The following HADHB variants were observed in gnomAD, a reference collection of about 807,000 sequenced individuals.
The protein encoded by HADHB is hydroxyacyl-CoA dehydrogenase trifunctional multienzyme complex subunit beta, also known as trifunctional enzyme subunit beta, mitochondrial.
In HADHB, 50 loss-of-function variants were observed where a neutral mutation model predicts 61.9. The ratio of observed to expected loss-of-function variants is 0.81; its 90% CI spans 0.64 to 1.02. HADHB has a LOEUF of 1.02. Among genes scored for constraint, HADHB ranks in the 50% least tolerant of loss-of-function variants. HADHB has a pLI of 0.00. For synonymous variants in HADHB, 191 were observed against 201.6 expected (o/e 0.95, Z 0.45); for missense variants, 504 against 586.5 (o/e 0.86, Z 1.45).
chr2:26,277,202 C>T (rs773469674), intron 7 of HADHB, 42 bp downstream of exon 7: 2 of 907,254 alleles, frequency 2.2e-6, no homozygotes, highest in East Asian at 2.5e-5. Flanking sequence ...TAATTATTCT[C>T]CTTTGTCTTT....
chr2:26,263,432 T>A lies in HADHB; in HGVS notation c.162T>A (p.Val54=), dbSNP rs1273731503. 1.9e-6 allele frequency: 3 copies of A among 1,613,332 alleles called. No individual in the cohort carries two copies. In the South Asian group the frequency reaches 3.3e-5, roughly 18 times the overall value. Residue 54 remains valine, a synonymous_variant, in exon 4 of 16, where the codon GTT becomes GTA. Transcript: ENST00000317799. Reference sequence around the variant, plus strand: ...TAGCCAAACCCAATATAAGGAATGTTGTGGTGGTGGATGGTGTTCGCACTC... The same window carrying A: ...TAGCCAAACCCAATATAAGGAATGTAGTGGTGGTGGATGGTGTTCGCACTC... ...KTLAKPNIRN[V]VVVDGVRTPF...
intron 3 of HADHB, chr2:26,261,163 C>A: frequency 1.6e-6 from 1 of 626,864 alleles, no homozygotes; most frequent in Non-Finnish European, 2.9e-6. Context: ...AGGGCAACTC[C>A]CTTTAGAGGG....
chr2:26,260,981 A>G, intron 3 of HADHB: 2 of 1,486,572 alleles, frequency 1.3e-6, no homozygotes, highest in Non-Finnish European at 1.8e-6. Context: ...CTTTGCCTAG[A>G]GAGAGAATCT....
At chr2:26,270,969 G>A (rs1473436997) in intron 5 of HADHB, among the ~76,000 whole-genome samples, 1 of 147,722 alleles carries the variant, frequency 6.8e-6, no homozygotes, top group Non-Finnish European at 1.5e-5. Flanking sequence ...AGCTCTGCCT[G>A]CCGGGTTCAC....
chr2:26,254,456 C>A lies in HADHB; in HGVS notation c.91C>A (p.Gln31Lys). 1 of 1,599,562 alleles carries A rather than the reference C, an allele frequency of 6.3e-7. No individual in the cohort carries two copies. The highest frequency in any genetic ancestry group is 8.6e-7 in the Non-Finnish European group (1 of 1,166,738). ...CATAAGACCTCTGAGCTGTTCCTCC[C>A]AGCTACGAGCTGCCCCAGGTACAGT... ...FSIRPLSCSS[Q>K]LRAAPAVQTK... Residue 31 changes from glutamine (Q) to lysine (K), a missense_variant, in exon 3 of 16, where the codon CAG becomes AAG. Transcript: ENST00000317799.
At chr2:26,288,916 C>T (rs1201584344) in intron 15 of HADHB, among the ~76,000 whole-genome samples, 1 of 152,088 alleles carries the variant, frequency 6.6e-6, no homozygotes, top group Non-Finnish European at 1.5e-5. Flanking sequence ...AAACTAAGGA[C>T]ATAGCTAGTA....
chr2:26,271,897 C>A (rs1672362335), intron 5 of HADHB, among the ~76,000 whole-genome samples: 2 of 151,880 alleles, frequency 1.3e-5, no homozygotes, highest in Admixed American at 6.6e-5. Context: ...AAGACTTTGT[C>A]TCAAAAAAAA....
intron 4 of HADHB, among the ~76,000 whole-genome samples, chr2:26,269,288 G>A (rs1463601903): frequency 6.6e-6 from 1 of 152,100 alleles, no homozygotes; most frequent in Admixed American, 6.5e-5. Flanking sequence ...TCAAATTCAT[G>A]GCCTTAAGCA....
At chr2:26,277,003 G>A (rs1165953619) in intron 6 of HADHB, 70 bp from the exon 7 acceptor site, 1 of 809,152 alleles carries the variant, frequency 1.2e-6, no homozygotes, top group African/African-American at 1.7e-5. Flanking sequence ...ATGAAGATTA[G>A]TGCTCAAAGC....
Position 26,282,888 on chromosome 2 carries a change from C to A in HADHB, c.977C>A (p.Ala326Asp). The A allele has an allele frequency of 6.2e-7, 1 of 1,613,098 alleles. No homozygotes were observed. Among genetic ancestry groups the A allele is most frequent in the Non-Finnish European group, 8.5e-7 (1 of 1,179,176 alleles). Residue 326 changes from alanine (A) to aspartate (D), a missense_variant, in exon 11 of 16, where the codon GCT (alanine) becomes GAT (aspartate). Coordinates refer to ENST00000317799, the MANE Select transcript of HADHB (RefSeq NM_000183.3). ...SAMLIMAEEK[A>D]LAMGYKPKAY... ...ATGTTAATCATGGCGGAGGAAAAGG[C>A]TCTGGCCATGGGTTATAAGCCGAAG...
chr2:26,260,184 C>CCATT (rs1345815651), intron 3 of HADHB, among the ~76,000 whole-genome samples: 2 of 150,806 alleles, frequency 1.3e-5, no homozygotes, highest in African/African-American at 2.4e-5. Context: ...TGTGTTCAAG[C>CCATT]CATTCTCCTG....
intron 12 of HADHB, 74 bp downstream of exon 12, chr2:26,283,125 A>C: frequency 3.2e-6 from 3 of 930,898 alleles, no homozygotes; most frequent in Non-Finnish European, 5.4e-6. Flanking sequence ...ACTGGTTAAT[A>C]AATGATTAAC....
rs540696704 is a variant in HADHB at position 26,271,056 on chromosome 2, CTT to C, written c.254+1070_254+1071del. Among the ~76,000 whole-genome samples, 910 of 140,228 alleles carry C rather than the reference CTT, an allele frequency of 6.5e-3. 8 individuals carry two copies. Among genetic ancestry groups the C allele is most frequent in the African/African-American group, 0.022 (849 of 38,664 alleles). 92.0% of individuals were successfully genotyped at this position (140,228 alleles called of 152,430 possible). A position where few individuals can be genotyped will look rare whatever the true frequency, so the allele number is the denominator to read the frequency against. The stretch of plus-strand genomic sequence containing the variant: ...ACCATGCCCGGCTAATTTTTTTTTT[CTT>C]TTTTTTTTTTGTATTTTTAGTAGAG... On this transcript the variant is annotated intron_variant, in intron 5 of 15. Transcript: ENST00000317799.
intron 5 of HADHB, among the ~76,000 whole-genome samples, chr2:26,273,087 C>CA (rs559000048): frequency 1.2e-3 from 164 of 131,872 alleles, no homozygotes; most frequent in African/African-American, 2.2e-3. Context: ...ATTCTTATCT[C>CA]AAAAAAAAAA....
chr2:26,285,521 AAAG>A lies in HADHB; in HGVS notation c.1343_1345del (p.Glu448del), dbSNP rs1228883943. 12 of 1,614,068 alleles carry A rather than the reference AAAG, an allele frequency of 7.4e-6. No individual in the cohort carries two copies. Among genetic ancestry groups the A allele is most frequent in the Non-Finnish European group, 1.0e-5 (12 of 1,179,984 alleles). ...CATGGCTGCTGCCAACAGATTACGG[AAAG>A]AAGGAGGCCAGTATGGCTTAGTGGC... On this transcript the variant is annotated inframe_deletion, in exon 15 of 16. Coordinates refer to ENST00000317799, the MANE Select transcript of HADHB (RefSeq NM_000183.3).
rs1673221068 is a variant in HADHB, at chr2:26,290,391, C to A, written c.*438C>A. ...GGAAAAATAATTCAGAATCTAAACACCACTGAAAACTTATAAAAAATGTTT... is the reference window on the plus strand; with the variant it reads ...GGAAAAATAATTCAGAATCTAAACAACACTGAAAACTTATAAAAAATGTTT... On this transcript the variant is annotated 3_prime_UTR_variant, in exon 16 of 16. Coordinates refer to ENST00000317799, the MANE Select transcript of HADHB (RefSeq NM_000183.3). The A allele has an allele frequency of 5.3e-6, 1 of 188,566 alleles. No homozygotes were observed. 11.7% of individuals were successfully genotyped at this position (188,566 alleles called of 1,614,324 possible). A position where few individuals can be genotyped will look rare whatever the true frequency, so the allele number is the denominator to read the frequency against.
chr2:26,256,172 C>T (rs1460137536), intron 3 of HADHB, among the ~76,000 whole-genome samples: 1 of 152,148 alleles, frequency 6.6e-6, no homozygotes, highest in Non-Finnish European at 1.5e-5. Flanking sequence ...TGCATTAACG[C>T]TGATGATGAT....
chr2:26,264,819 C>T (rs916183062), intron 4 of HADHB, among the ~76,000 whole-genome samples: 13 of 151,856 alleles, frequency 8.6e-5, no homozygotes, highest in Admixed American at 5.3e-4. Flanking sequence ...TGGCAAAACC[C>T]TGTCTCTACT....
chr2:26,280,051 C>T lies in HADHB; in HGVS notation c.869C>T (p.Ala290Val). The change falls in exon 10 of 16, where the codon GCC (alanine) becomes GTC (valine). Residue 290 changes from alanine (A) to valine (V), a missense_variant. Ala to Val is a moderately conservative substitution (Grantham distance 64). Coordinates refer to ENST00000317799, the MANE Select transcript of HADHB (RefSeq NM_000183.3). ...GIRPSSLEQM[A>V]KLKPAFIKPY... ...CGTCCTTCCTCACTGGAGCAGATGGCCAAACTAAAACCTGCATTCATCAAG... is the reference window on the plus strand; with the variant it reads ...CGTCCTTCCTCACTGGAGCAGATGGTCAAACTAAAACCTGCATTCATCAAG... The T allele has an allele frequency of 6.2e-7, 1 of 1,610,080 alleles. No homozygotes were observed. The highest frequency in any genetic ancestry group is 8.5e-7 in the Non-Finnish European group (1 of 1,177,010).
Sources: gnomAD v4.1 joint callset for allele counts (sites outside exome capture counted in the v4.1 genomes callset) on GRCh38, gnomAD v4.1.1 for gene constraint, MANE v1.5 for transcripts, NCBI Gene and HGNC (gene_info 2026-07-23, HGNC 2026-07-21) for gene names.